SOX6: variants seen among roughly 807,000 people sequenced by gnomAD.
SOX6 encodes the protein SRY-box transcription factor 6, also known as transcription factor SOX-6.
In SOX6, 11 loss-of-function variants were observed where a neutral mutation model predicts 97.8. That is an observed-to-expected ratio of 0.11 (90% CI 0.07 to 0.19). SOX6 has a LOEUF of 0.19. Ranked by LOEUF, SOX6 falls within the 10% of genes least tolerant of loss-of-function variation. The probability of loss-of-function intolerance (pLI) is 1.00; values close to 1 mark genes in which losing one functional copy is unlikely to be tolerated. For missense variants in SOX6, 810 were observed against 1,039.5 expected (o/e 0.78, Z 3.04); for synonymous variants, 360 against 371.4 (o/e 0.97, Z 0.35).
intron 4 of SOX6, among the ~76,000 whole-genome samples, chr11:16,496,149 A>C (rs1297120533): frequency 6.6e-6 from 1 of 152,234 alleles, no homozygotes; most frequent in African/African-American, 2.4e-5. Context: ...TGCAGATATC[A>C]ATGCAAAGAT....
intron 6 of SOX6, among the ~76,000 whole-genome samples, chr11:16,167,392 T>A (rs1850914932): frequency 6.6e-6 from 1 of 152,156 alleles, no homozygotes; most frequent in Non-Finnish European, 1.5e-5. Context: ...TCTCATGGTC[T>A]CCCTCCTTCT....
chr11:16,149,971 A>T (rs1177843039), intron 6 of SOX6, among the ~76,000 whole-genome samples: 1 of 152,188 alleles, frequency 6.6e-6, no homozygotes, highest in Non-Finnish European at 1.5e-5. Flanking sequence ...TGACTGAATT[A>T]AACAATTGGG....
At chr11:16,653,713 AC>A (rs920373431) in intron 3 of SOX6, among the ~76,000 whole-genome samples, 24 of 152,130 alleles carry the variant, frequency 1.6e-4, no homozygotes, top group African/African-American at 5.8e-4. Context: ...CTCAGAAATT[AC>A]CAGTAAGTAA....
At position 15,970,490 on chromosome 11, in the gene SOX6, AAAC is replaced by A. The variant is rs1238172895; in HGVS notation, c.*2316_*2318del. 6.6e-6 allele frequency: 1 copy of A among 152,642 alleles called. No individual in the cohort carries two copies. The highest frequency in any genetic ancestry group is 1.5e-5 in the Non-Finnish European group (1 of 68,046). The allele number at this position is 152,642 out of a possible 1,614,324, so 9.5% of individuals were successfully genotyped here. A position where few individuals can be genotyped will look rare whatever the true frequency, so the allele number is the denominator to read the frequency against. ...AGCAAAAGCCAAAGAGAAAGAAAAA[AAAC>A]AAGAGTGAACTGAGGAGGAGAGGTA... On this transcript the variant is annotated 3_prime_UTR_variant, in exon 16 of 16. Transcript: ENST00000683767.
At chr11:16,108,994 T>C (rs1849162866) in intron 7 of SOX6, among the ~76,000 whole-genome samples, 1 of 151,592 alleles carries the variant, frequency 6.6e-6, no homozygotes, top group Admixed American at 6.6e-5. Context: ...ACAAATACCA[T>C]GAAATCATTT....
rs527446785 is a variant in SOX6 at position 16,029,646 on chromosome 11, A to C, written c.1624-14596T>G. Among the ~76,000 whole-genome samples, 337 of 151,796 alleles carry C rather than the reference A, an allele frequency of 2.2e-3. 2 individuals are homozygous for C. The highest frequency in any genetic ancestry group is 3.0e-3 in the Non-Finnish European group (201 of 67,954). On this transcript the variant is annotated intron_variant, in intron 12 of 15. Coordinates refer to ENST00000683767, the MANE Select transcript of SOX6 (RefSeq NM_001367873.1). Reference sequence around the variant, plus strand: ...GCAAGACTCCGTCTCAAAAAAAAAAACAAAAAAAAAACCGATTGTCTAACG... The same window carrying C: ...GCAAGACTCCGTCTCAAAAAAAAAACCAAAAAAAAAACCGATTGTCTAACG...
intron 9 of SOX6, 31 bp downstream of exon 9, chr11:16,095,965 C>A: frequency 1.2e-6 from 2 of 1,602,042 alleles, no homozygotes; most frequent in Non-Finnish European, 1.7e-6. Context: ...CAGTCCCCAA[C>A]CCAATGAAGC....
At chr11:16,553,029 A>T (rs1262701667) in intron 4 of SOX6, among the ~76,000 whole-genome samples, 1 of 152,222 alleles carries the variant, frequency 6.6e-6, no homozygotes, top group Non-Finnish European at 1.5e-5. Flanking sequence ...ACATAATAAA[A>T]ATAATTATTG....
chr11:16,204,434 T>G (rs1165217712), intron 4 of SOX6, among the ~76,000 whole-genome samples: 2 of 152,080 alleles, frequency 1.3e-5, no homozygotes, highest in Admixed American at 1.3e-4. Flanking sequence ...GTGTGGTGTG[T>G]GTAGTATGCC....
Position 16,610,303 on chromosome 11 carries a change from G to A in SOX6, n.609+1778C>T, listed in dbSNP as rs1285157683. ...TCCTCAGGGAAGAGCCACCTAGAGA[G>A]GTGAAACATTAGGGACGGAAAGGCT... On this transcript the variant is annotated intron_variant and non_coding_transcript_variant, in intron 4 of 5. Coordinates refer to the SOX6 transcript ENST00000524520. This position sits in a 1 kb window ranked among gnomAD's most constrained non-coding sequence, Gnocchi z 4.4. Among the ~76,000 whole-genome samples the A allele has an allele frequency of 6.6e-6, 1 of 152,216 alleles. No individual in the cohort carries two copies. Among genetic ancestry groups the A allele is most frequent in the African/African-American group, 2.4e-5 (1 of 41,460 alleles).
chr11:16,226,319 T>TTTTTTG (rs1238481784), intron 4 of SOX6, among the ~76,000 whole-genome samples: 4 of 51,414 alleles, frequency 7.8e-5, no homozygotes. Flanking sequence ...TAATTGTGTT[T>TTTTTTG]TTTTTGTTTT....
chr11:16,437,282 T>TAA (rs201915779), intron 1 of SOX6, among the ~76,000 whole-genome samples: 1 of 136,594 alleles, frequency 7.3e-6, no homozygotes, highest in African/African-American at 2.8e-5. Context: ...TTTTTTTTTT[T>TAA]AAAAAAAAGG....
At chr11:16,557,240 AAAGT>A (rs1477443454) in intron 4 of SOX6, among the ~76,000 whole-genome samples, 2 of 151,886 alleles carry the variant, frequency 1.3e-5, no homozygotes, top group Admixed American at 1.3e-4. Context: ...AAAGATGGAC[AAAGT>A]AAGGTTAGGA....
rs11023868 is a variant in SOX6 at position 16,198,442 on chromosome 11, C to T, written c.536-11487G>A. On this transcript the variant is annotated intron_variant, in intron 4 of 15. Transcript: ENST00000683767. ...GAAGCTTATAAAACTCACTTTCTAA[C>T]GTAACTTTAAAATGCTCATGGTTTT... 1.1e-4 allele frequency among the ~76,000 whole-genome samples: 17 copies of T among 151,906 alleles called. No homozygotes were observed. In the South Asian group the frequency reaches 1.5e-3, roughly 13 times the overall value.
intron 10 of SOX6, 116 bp downstream of exon 10, chr11:16,055,636 G>T: frequency 8.3e-7 from 1 of 1,205,820 alleles, no homozygotes. Flanking sequence ...GGACATTTTG[G>T]GGTTGCTTTA....
chr11:16,610,681 CTCG>C lies in SOX6; in HGVS notation n.609+1397_609+1399del. Reference sequence around the variant, plus strand: ...AAGGAAGGAAACTAAAATTTGGGGTCTCGATGCCGCACTTCTGGCTGTGTAAGA... The same window carrying C: ...AAGGAAGGAAACTAAAATTTGGGGTCATGCCGCACTTCTGGCTGTGTAAGA... On this transcript the variant is annotated intron_variant and non_coding_transcript_variant, in intron 4 of 5. Transcript: ENST00000524520. The surrounding 1 kb of genome is among the most constrained non-coding windows in gnomAD (Gnocchi z 4.4). Among the ~76,000 whole-genome samples the C allele has an allele frequency of 6.6e-6, 1 of 152,202 alleles. No individual in the cohort carries two copies. Among genetic ancestry groups the C allele is most frequent in the Non-Finnish European group, 1.5e-5 (1 of 68,028 alleles).
chr11:16,373,909 G>T (rs1337393343), intron 1 of SOX6, among the ~76,000 whole-genome samples: 18 of 133,018 alleles, frequency 1.4e-4, no homozygotes, highest in Non-Finnish European at 2.8e-4. Context: ...GGAAGGGAGG[G>T]AGAAGGGGAA....
intron 15 of SOX6, among the ~76,000 whole-genome samples, chr11:15,974,378 C>CTTTTTTTTTTTTTTTTTTTTTTTTT (rs35597667): frequency 3.5e-5 from 3 of 85,656 alleles, no homozygotes; most frequent in South Asian, 5.2e-4. Context: ...TTAGCTCTCT[C>CTTTTTTTTTTTTTTTTTTTTTTTTT]TTTTTTTTTT....
intron 4 of SOX6, among the ~76,000 whole-genome samples, chr11:16,492,444 A>G (rs1860527111): frequency 6.6e-6 from 1 of 152,180 alleles, no homozygotes; most frequent in Non-Finnish European, 1.5e-5. Flanking sequence ...GCACAAGCTC[A>G]CCTTGGGAGA....
Sources: allele counts gnomAD v4.1 joint callset (sites outside exome capture counted in the v4.1 genomes callset), GRCh38; gene constraint gnomAD v4.1.1; non-coding constraint Gnocchi (gnomAD v3.1); transcripts MANE v1.5; gene names NCBI Gene and HGNC (gene_info 2026-07-23, HGNC 2026-07-21).